Variants in DYNLRB1 observed in about 807,000 individuals in gnomAD.
The protein encoded by DYNLRB1 is dynein light chain roadblock-type 1.
Under a neutral mutation model 13.5 loss-of-function variants are expected in DYNLRB1, and 6 were observed. The observed-to-expected ratio is 0.44, with a 90% confidence interval of 0.24 to 0.88. The LOEUF (loss-of-function observed/expected upper bound fraction) is 0.88, where lower values mean the gene tolerates loss of function less well. DYNLRB1 is among the 40% of genes least tolerant of loss of function. DYNLRB1 has a pLI of 0.21. For synonymous variants in DYNLRB1, 43 were observed against 45.0 expected, an observed-to-expected ratio of 0.96 and a Z score of 0.18; for missense variants, 93 against 127.2, an observed-to-expected ratio of 0.73 and a Z score of 1.29.
intron 2 of DYNLRB1, among the ~76,000 whole-genome samples, chr20:34,532,902 C>T (rs554961322): frequency 9.8e-5 from 15 of 152,312 alleles, no homozygotes; most frequent in Admixed American, 8.5e-4. Flanking sequence ...TGCCTTTGGC[C>T]GATCCCTAGA....
intron 1 of DYNLRB1, chr20:34,516,796 C>T: frequency 1.3e-6 from 2 of 1,550,108 alleles, no homozygotes; most frequent in South Asian, 1.2e-5. Flanking sequence ...GGCAACGTTT[C>T]CCGGGAGCTC....
At chr20:34,540,515 T>A (rs1981493887) in intron 3 of DYNLRB1, 66 bp from the exon 4 acceptor site, 1 of 1,468,592 alleles carries the variant, frequency 6.8e-7, no homozygotes, top group Admixed American at 1.9e-5. Context: ...ATGGTTTATT[T>A]GCTTTCTTGT....
chr20:34,529,120 G>C (rs1407796654), intron 2 of DYNLRB1, among the ~76,000 whole-genome samples: 5 of 152,222 alleles, frequency 3.3e-5, no homozygotes, highest in African/African-American at 1.2e-4. Context: ...TCTGTCACAT[G>C]TCTGGTGTGC....
chr20:34,540,554 A>AT lies in DYNLRB1; in HGVS notation c.248-19dup, dbSNP rs752265935. The AT allele has an allele frequency of 2.1e-5, 34 of 1,600,634 alleles. 1 individual carries two copies. The highest frequency in any genetic ancestry group is 8.1e-5 in the African/African-American group (6 of 74,148). ...TTTTTCTCTCATTTTACATTTAGTG[A>AT]TTTTTTTTCATTTTTCTCTTTTGCA... On this transcript the variant is annotated intron_variant, in intron 3 of 3. Transcript: ENST00000357156.
intron 1 of DYNLRB1, chr20:34,516,908 A>G: frequency 4.2e-6 from 6 of 1,427,388 alleles, no homozygotes; most frequent in East Asian, 2.8e-5. Context: ...ATTTTGTTAT[A>G]CATATCTGTT....
At chr20:34,523,069 TTGTGG>T (rs1979889791) in intron 1 of DYNLRB1, among the ~76,000 whole-genome samples, 1 of 152,104 alleles carries the variant, frequency 6.6e-6, no homozygotes. Context: ...TTGCACTGCA[TTGTGG>T]TCAGTGCTGC....
intron 2 of DYNLRB1, among the ~76,000 whole-genome samples, chr20:34,527,154 C>T (rs1340837416): frequency 1.3e-5 from 2 of 152,222 alleles, no homozygotes; most frequent in Admixed American, 1.3e-4. Context: ...TACCATCACA[C>T]AGTCGAGATT....
At chr20:34,525,587 TAGGG>T (rs1980128065) in intron 1 of DYNLRB1, among the ~76,000 whole-genome samples, 1 of 151,908 alleles carries the variant, frequency 6.6e-6, no homozygotes, top group Non-Finnish European at 1.5e-5. Flanking sequence ...GATGTAGAGA[TAGGG>T]AGGTGTGTCA....
intron 1 of DYNLRB1, among the ~76,000 whole-genome samples, chr20:34,525,378 C>T (rs776247600): frequency 1.6e-4 from 24 of 152,150 alleles, no homozygotes; most frequent in Non-Finnish European, 3.1e-4. Flanking sequence ...ACTCCACAGA[C>T]CTTTTTAGAG....
intron 1 of DYNLRB1, 112 bp downstream of exon 1, chr20:34,516,573 G>C: frequency 6.4e-7 from 1 of 1,554,598 alleles, no homozygotes; most frequent in African/African-American, 1.4e-5. Flanking sequence ...ATCGGTGGTG[G>C]CTGGGCGTGG....
chr20:34,537,399 T>G (rs934837590), intron 3 of DYNLRB1, among the ~76,000 whole-genome samples: 5 of 152,156 alleles, frequency 3.3e-5, no homozygotes, highest in Non-Finnish European at 5.9e-5. Context: ...GGCAGGGGCT[T>G]GTAAGCACAT....
At position 34,516,423 on chromosome 20, in the gene DYNLRB1, A is replaced by G; in HGVS notation, c.-36A>G. The G allele has an allele frequency of 6.2e-7, 1 of 1,612,342 alleles. No individual in the cohort carries two copies. Among genetic ancestry groups the G allele is most frequent in the Non-Finnish European group, 8.5e-7 (1 of 1,178,994 alleles). Reference sequence around the variant, plus strand: ...GCGCAGAAAGGCACAGGACTCGCTAAGTGTTCGCTACGCGGGGCTACCGGA... The same window carrying G: ...GCGCAGAAAGGCACAGGACTCGCTAGGTGTTCGCTACGCGGGGCTACCGGA... On this transcript the variant is annotated 5_prime_UTR_variant, in exon 1 of 4. Transcript: ENST00000357156.
At chr20:34,534,071 G>A (rs1359075099) in intron 2 of DYNLRB1, among the ~76,000 whole-genome samples, 1 of 151,274 alleles carries the variant, frequency 6.6e-6, no homozygotes, top group African/African-American at 2.4e-5. Context: ...AACCCGGGAG[G>A]CAGAGGTTGC....
intron 1 of DYNLRB1, among the ~76,000 whole-genome samples, chr20:34,525,446 T>C (rs1381233107): frequency 6.6e-5 from 10 of 152,162 alleles, no homozygotes; most frequent in Non-Finnish European, 1.2e-4. Context: ...ACCCAGGGAT[T>C]TGGGGAGTCA....
intron 2 of DYNLRB1, among the ~76,000 whole-genome samples, chr20:34,527,049 C>T (rs955732863): frequency 1.3e-5 from 2 of 152,150 alleles, no homozygotes; most frequent in South Asian, 2.1e-4. Flanking sequence ...GCATTTATCA[C>T]ATACCCGCTC....
intron 1 of DYNLRB1, chr20:34,516,709 G>A (rs1447377575): frequency 5.2e-6 from 8 of 1,530,106 alleles, no homozygotes; most frequent in Non-Finnish European, 7.0e-6. Context: ...CCTCGGCCAG[G>A]AAGAGATGAT....
At chr20:34,532,571 G>A (rs1412705176) in intron 2 of DYNLRB1, among the ~76,000 whole-genome samples, 3 of 152,112 alleles carry the variant, frequency 2.0e-5, no homozygotes, top group South Asian at 2.1e-4. Flanking sequence ...CCGCCCCATC[G>A]TGGTTAGATT....
chr20:34,516,343 G>A, upstream of DYNLRB1: 5 of 1,454,824 alleles, frequency 3.4e-6, no homozygotes, highest in Non-Finnish European at 3.7e-6. Flanking sequence ...CCCGCCTCAC[G>A]CTGGCTCCTG....
chr20:34,521,885 A>G (rs1979749000), intron 1 of DYNLRB1, among the ~76,000 whole-genome samples: 1 of 152,114 alleles, frequency 6.6e-6, no homozygotes, highest in African/African-American at 2.4e-5. Context: ...ATCTCTACAA[A>G]AAATTAGCTG....
Sources: allele counts gnomAD v4.1 joint callset (sites outside exome capture counted in the v4.1 genomes callset), GRCh38; gene constraint gnomAD v4.1.1; transcripts MANE v1.5; gene names NCBI Gene and HGNC (gene_info 2026-07-23, HGNC 2026-07-21).